Variants in AP1G1 observed in about 807,000 individuals in gnomAD.
AP1G1 encodes the protein adaptor related protein complex 1 subunit gamma 1.
A neutral mutation model predicts 108.3 loss-of-function variants in AP1G1; 7 were observed. The observed-to-expected ratio is 0.06, with a 90% confidence interval of 0.04 to 0.12. The LOEUF (loss-of-function observed/expected upper bound fraction) is 0.12. Ranked by LOEUF, AP1G1 falls within the 10% of genes least tolerant of loss-of-function variation. The probability of loss-of-function intolerance (pLI) is 1.00; values close to 1 mark genes in which losing one functional copy is unlikely to be tolerated. For synonymous variants in AP1G1, 379 were observed against 353.5 expected (o/e 1.07, Z -0.81); for missense variants, 756 against 1,010.7 (o/e 0.75, Z 3.42).
chr16:71,792,054 G>A (rs564281266), intron 1 of AP1G1, among the ~76,000 whole-genome samples: 8 of 152,146 alleles, frequency 5.3e-5, no homozygotes, highest in East Asian at 3.9e-4. Flanking sequence ...GAGCCACCAC[G>A]CCAGGCCAAC....
intron 13 of AP1G1, 55 bp downstream of exon 13, chr16:71,753,778 A>G (rs1023112439): frequency 3.6e-5 from 54 of 1,482,750 alleles, no homozygotes; most frequent in East Asian, 1.8e-4. Flanking sequence ...AAACTTCATG[A>G]TAACATCAGT....
At position 71,739,008 on chromosome 16, in the gene AP1G1, C is replaced by T. The variant is rs778969106; in HGVS notation, c.2202G>A (p.Thr734=). Residue 734 remains threonine, a synonymous_variant, in exon 21 of 23, where the codon ACG becomes ACA. Coordinates refer to ENST00000299980, the MANE Select transcript of AP1G1 (RefSeq NM_001128.6). Reference sequence around the variant, plus strand: ...GCTCTGTGCTGTTGGAGGCCTGTATCGTTATCACTGTTACACTGGGGTTGG... The same window carrying T: ...GCTCTGTGCTGTTGGAGGCCTGTATTGTTATCACTGTTACACTGGGGTTGG... The part of the protein sequence containing the change: ...SNTNPSVTVI[T]IQASNSTELD... 30 of 1,613,956 alleles carry T rather than the reference C, an allele frequency of 1.9e-5. No individual in the cohort carries two copies. In the Admixed American group the frequency reaches 3.7e-4, roughly 20 times the overall value.
At chr16:71,785,265 A>C (rs1034987713) in intron 2 of AP1G1, among the ~76,000 whole-genome samples, 2 of 152,122 alleles carry the variant, frequency 1.3e-5, no homozygotes, top group Non-Finnish European at 2.9e-5. Flanking sequence ...CAAGTTGTTT[A>C]AAACATATTT....
intron 4 of AP1G1, among the ~76,000 whole-genome samples, chr16:71,772,457 T>C (rs940883922): frequency 2.6e-5 from 4 of 152,168 alleles, no homozygotes; most frequent in Non-Finnish European, 5.9e-5. Context: ...TGCAGGAATG[T>C]TTCATTTTAA....
At chr16:71,787,694 G>C (rs1228635439) in intron 2 of AP1G1, among the ~76,000 whole-genome samples, 1 of 152,024 alleles carries the variant, frequency 6.6e-6, no homozygotes, top group Non-Finnish European at 1.5e-5. Context: ...GAACACGTAG[G>C]CATCTATTTG....
intron 15 of AP1G1, among the ~76,000 whole-genome samples, chr16:71,749,420 G>A (rs548953764): frequency 1.1e-4 from 17 of 151,828 alleles, no homozygotes; most frequent in African/African-American, 3.9e-4. Context: ...GGAGATCAAG[G>A]CTGCAGTGAA....
At chr16:71,748,419 A>G (rs577351311) in intron 15 of AP1G1, 41 bp from the exon 16 acceptor site, 19 of 1,591,794 alleles carry the variant, frequency 1.2e-5, no homozygotes, top group Non-Finnish European at 1.6e-5. Flanking sequence ...AAGAATGAGT[A>G]GCATGATTAA....
chr16:71,765,624 G>T, intron 6 of AP1G1, 40 bp from the exon 7 acceptor site: 1 of 1,496,050 alleles, frequency 6.7e-7, no homozygotes, highest in South Asian at 1.1e-5. Flanking sequence ...AGTGAATATT[G>T]AAGAATGTCT....
At chr16:71,767,737 G>T in intron 6 of AP1G1, 1 of 804,460 alleles carries the variant, frequency 1.2e-6, no homozygotes, top group Non-Finnish European at 1.9e-6. Context: ...GTTAGCCAAA[G>T]ATGGTAGAAC....
chr16:71,797,377 A>G (rs879477742), intron 1 of AP1G1, among the ~76,000 whole-genome samples: 2 of 152,192 alleles, frequency 1.3e-5, no homozygotes, highest in African/African-American at 4.8e-5. Flanking sequence ...TTTGAAAAAA[A>G]GCAAACAAAT....
chr16:71,760,438 G>A (rs960257440), intron 10 of AP1G1, among the ~76,000 whole-genome samples: 4 of 151,876 alleles, frequency 2.6e-5, no homozygotes, highest in South Asian at 4.2e-4. Context: ...CCAGCTACTC[G>A]GGAGGGTGAG....
chr16:71,754,280 G>GGAAGGAAA (rs1480194013), intron 12 of AP1G1, among the ~76,000 whole-genome samples: 1 of 141,400 alleles, frequency 7.1e-6, no homozygotes, highest in Non-Finnish European at 1.5e-5. Context: ...GAAAGAAGAT[G>GGAAGGAAA]GAAGGAAAGA....
intron 11 of AP1G1, chr16:71,758,247 A>G (rs2030901253): frequency 2.9e-6 from 1 of 339,052 alleles, no homozygotes; most frequent in East Asian, 7.9e-5. Context: ...ACAAACATCT[A>G]GAGTTCTAAG....
intron 2 of AP1G1, among the ~76,000 whole-genome samples, chr16:71,781,653 C>T (rs904806984): frequency 9.9e-5 from 15 of 152,210 alleles, no homozygotes; most frequent in African/African-American, 2.9e-4. Context: ...GTATTACTCA[C>T]ATCAAGACAA....
intron 1 of AP1G1, among the ~76,000 whole-genome samples, chr16:71,793,363 G>C (rs2032471125): frequency 6.6e-6 from 1 of 152,066 alleles, no homozygotes; most frequent in Non-Finnish European, 1.5e-5. Context: ...CCAGATAGAA[G>C]TCCTCATTCA....
intron 6 of AP1G1, among the ~76,000 whole-genome samples, chr16:71,768,354 A>G (rs966827156): frequency 3.3e-5 from 5 of 151,438 alleles, no homozygotes; most frequent in African/African-American, 1.2e-4. Flanking sequence ...AAACAAAATT[A>G]GCCGGGCATG....
At chr16:71,793,511 AC>A (rs1413277573) in intron 1 of AP1G1, among the ~76,000 whole-genome samples, 13 of 152,304 alleles carry the variant, frequency 8.5e-5, no homozygotes, top group Middle Eastern at 6.8e-3. Flanking sequence ...AAGGGAAGAA[AC>A]AAAAGCAGCA....
intron 21 of AP1G1, among the ~76,000 whole-genome samples, chr16:71,738,527 C>T (rs1239079316): frequency 6.6e-6 from 1 of 152,124 alleles, no homozygotes; most frequent in East Asian, 1.9e-4. Flanking sequence ...AATTTCAATT[C>T]TGATCTGGTT....
At chr16:71,767,968 A>G (rs556087770) in intron 6 of AP1G1, 61 of 1,430,268 alleles carry the variant, frequency 4.3e-5, no homozygotes, top group Non-Finnish European at 5.5e-5. Context: ...GTCTCATACT[A>G]TATTACAATA....
Sources: allele counts gnomAD v4.1 joint callset (sites outside exome capture counted in the v4.1 genomes callset), GRCh38; gene constraint gnomAD v4.1.1; transcripts MANE v1.5; gene names NCBI Gene and HGNC (gene_info 2026-07-23, HGNC 2026-07-21).